The following GPHN variants were observed in gnomAD, a reference collection of about 807,000 sequenced individuals.
The protein encoded by GPHN is gephyrin.
GPHN carries 17 observed loss-of-function variants against 95.5 expected under a neutral mutation model. That is an observed-to-expected ratio of 0.18 (90% CI 0.12 to 0.27). The LOEUF (loss-of-function observed/expected upper bound fraction) is 0.27. Ranked by LOEUF, GPHN falls within the 10% of genes least tolerant of loss-of-function variation. The pLI is 1.00. For missense variants in GPHN, 660 were observed against 978.1 expected (o/e 0.67, Z 4.34); for synonymous variants, 320 against 322.5 (o/e 0.99, Z 0.08).
intron 11 of GPHN, among the ~76,000 whole-genome samples, chr14:67,087,694 T>G (rs1364914612): frequency 6.6e-6 from 1 of 152,126 alleles, no homozygotes; most frequent in Non-Finnish European, 1.5e-5. Context: ...CTACACTTAC[T>G]TCTAGGTCCT....
At chr14:66,612,526 G>A (rs548923677) in intron 1 of GPHN, among the ~76,000 whole-genome samples, 71 of 152,082 alleles carry the variant, frequency 4.7e-4, no homozygotes, top group African/African-American at 1.5e-3. Flanking sequence ...TTCTTGTTTC[G>A]TTTTTGCATT....
intron 17 of GPHN, among the ~76,000 whole-genome samples, chr14:67,126,379 G>T (rs1390229517): frequency 6.6e-6 from 1 of 152,106 alleles, no homozygotes; most frequent in Non-Finnish European, 1.5e-5. Context: ...GTACTACTGT[G>T]GGCTGGATTG....
At chr14:67,420,933 G>A in the GPHN span, among the ~76,000 whole-genome samples, 3 of 152,338 alleles carry the variant, frequency 2.0e-5, no homozygotes, top group South Asian at 2.1e-4. Context: ...GTAAAGTACA[G>A]ATCTGATTCT....
chr14:67,414,087 T>A, the GPHN span, among the ~76,000 whole-genome samples: 6 of 152,240 alleles, frequency 3.9e-5, no homozygotes, highest in African/African-American at 1.4e-4. Context: ...TCTATCCATC[T>A]CCTTCCTCAA....
chr14:67,380,061 T>C, the GPHN span, among the ~76,000 whole-genome samples: 1 of 152,218 alleles, frequency 6.6e-6, no homozygotes, highest in Non-Finnish European at 1.5e-5. Flanking sequence ...CCCAGCCTTA[T>C]GTATCATAAC....
chr14:67,579,987 G>A, the GPHN span: 2 of 1,039,662 alleles, frequency 1.9e-6, no homozygotes, highest in Non-Finnish European at 2.8e-6. Flanking sequence ...ATTTGGTGCT[G>A]AGCCCAAGGT....
At chr14:67,035,865 C>T (rs1430982199) in intron 10 of GPHN, among the ~76,000 whole-genome samples, 1 of 151,722 alleles carries the variant, frequency 6.6e-6, no homozygotes, top group Non-Finnish European at 1.5e-5. Context: ...TCAAAATATT[C>T]CAAACACTTG....
chr14:66,648,687 G>A (rs1177334812), intron 1 of GPHN, among the ~76,000 whole-genome samples: 2 of 152,132 alleles, frequency 1.3e-5, no homozygotes, highest in Non-Finnish European at 2.9e-5. Context: ...ATCACCTAAT[G>A]TCATATTTCT....
the GPHN span, among the ~76,000 whole-genome samples, chr14:67,537,590 G>A: frequency 6.6e-6 from 1 of 152,030 alleles, no homozygotes; most frequent in South Asian, 2.1e-4. Flanking sequence ...ACCTGAGCTT[G>A]GGAAAGTTGT....
intron 1 of GPHN, among the ~76,000 whole-genome samples, chr14:66,598,656 C>A (rs1451837980): frequency 6.6e-6 from 1 of 152,034 alleles, no homozygotes; most frequent in Non-Finnish European, 1.5e-5. Context: ...ACCAGCCTGA[C>A]CAACATGGTG....
At chr14:67,408,359 A>AAAATAAAATAAAATAAAATAAAATAAAAT in the GPHN span, among the ~76,000 whole-genome samples, 21 of 134,052 alleles carry the variant, frequency 1.6e-4, no homozygotes, top group African/African-American at 5.9e-4. Context: ...TAAAATAAAA[A>AAAATAAAATAAAATAAAATAAAATAAAAT]AAGAAAAAAC....
chr14:67,710,590 T>A, the GPHN span, among the ~76,000 whole-genome samples: 2 of 152,056 alleles, frequency 1.3e-5, no homozygotes, highest in Non-Finnish European at 2.9e-5. Flanking sequence ...TAAGCTTTCT[T>A]ACAAAAAAAA....
At chr14:67,071,230 A>C (rs2076293667) in intron 11 of GPHN, among the ~76,000 whole-genome samples, 1 of 152,176 alleles carries the variant, frequency 6.6e-6, no homozygotes, top group East Asian at 1.9e-4. Flanking sequence ...CTTGGAACCA[A>C]CCCAAATGTC....
chr14:66,618,702 A>G (rs188566840), intron 1 of GPHN, among the ~76,000 whole-genome samples: 12 of 152,306 alleles, frequency 7.9e-5, no homozygotes, highest in Admixed American at 7.8e-4. Context: ...TACCAGTCAT[A>G]TTATCTGTGG....
chr14:66,670,389 C>G (rs2066236437), intron 1 of GPHN, among the ~76,000 whole-genome samples: 1 of 152,170 alleles, frequency 6.6e-6, no homozygotes, highest in East Asian at 1.9e-4. Context: ...TGCATCCTCT[C>G]TGGAAAGCCA....
chr14:66,606,975 A>G (rs976748048), intron 1 of GPHN, among the ~76,000 whole-genome samples: 1 of 152,086 alleles, frequency 6.6e-6, no homozygotes, highest in African/African-American at 2.4e-5. Flanking sequence ...TTTCAGTACT[A>G]TGTTGAATAG....
At chr14:66,584,133 A>T (rs1187852986) in intron 1 of GPHN, among the ~76,000 whole-genome samples, 2 of 151,918 alleles carry the variant, frequency 1.3e-5, no homozygotes, top group African/African-American at 4.8e-5. Flanking sequence ...TAGGTATTTT[A>T]TTCTCTTTGT....
intron 2 of GPHN, chr14:66,709,436 T>C (rs2069404045): frequency 2.2e-6 from 1 of 455,658 alleles, no homozygotes; most frequent in Admixed American, 2.4e-5. Flanking sequence ...CCACAATAGC[T>C]GATCTGATAA....
chr14:66,733,470 T>C (rs1349536496), intron 2 of GPHN, among the ~76,000 whole-genome samples: 1 of 152,162 alleles, frequency 6.6e-6, no homozygotes, highest in Non-Finnish European at 1.5e-5. Context: ...CATCTATTTA[T>C]ATAAATCCAA....
Sources: gnomAD v4.1 joint callset for allele counts (sites outside exome capture counted in the v4.1 genomes callset) on GRCh38, gnomAD v4.1.1 for gene constraint, MANE v1.5 for transcripts, NCBI Gene and HGNC (gene_info 2026-07-23, HGNC 2026-07-21) for gene names.